The following PHKB variants were observed in gnomAD, a reference collection of about 807,000 sequenced individuals.
The protein encoded by PHKB is phosphorylase b kinase regulatory subunit beta.
Under a neutral mutation model 152.1 loss-of-function variants are expected in PHKB, and 122 were observed. That is an observed-to-expected ratio of 0.80 (90% CI 0.69 to 0.93). PHKB has a LOEUF of 0.93. Among genes scored for constraint, PHKB ranks in the 40% least tolerant of loss-of-function variants. The pLI, the probability that PHKB is intolerant of heterozygous loss-of-function variation, is 0.00. For synonymous variants in PHKB, 436 were observed against 464.9 expected (o/e 0.94, Z 0.80); for missense variants, 1,304 against 1,328.4 (o/e 0.98, Z 0.29).
rs573473672 is a variant in PHKB, at chr16:47,595,475, A to G, written c.1205-898A>G. 3.9e-5 allele frequency among the ~76,000 whole-genome samples: 6 copies of G among 152,306 alleles called. No homozygotes were observed. The East Asian group carries it at 9.6e-4, about 24-fold the overall frequency. On this transcript the variant is annotated intron_variant, in intron 12 of 30. Coordinates refer to ENST00000323584, the MANE Select transcript of PHKB (RefSeq NM_000293.3). Reference sequence around the variant, plus strand: ...TCCACAAAGATTCTACTATTAAATAATAATTTTAGTTCCTACCAACCCATT... The same window carrying G: ...TCCACAAAGATTCTACTATTAAATAGTAATTTTAGTTCCTACCAACCCATT...
chr16:47,684,754 G>A (rs117639782), intron 26 of PHKB, among the ~76,000 whole-genome samples: 6,903 of 151,168 alleles, frequency 0.046, 200 homozygotes, highest in Non-Finnish European at 0.073. Flanking sequence ...CAGCCTGGGC[G>A]ACTGAGCAAG....
intron 7 of PHKB, among the ~76,000 whole-genome samples, chr16:47,579,400 TG>T (rs1971804918): frequency 6.6e-6 from 1 of 152,136 alleles, no homozygotes; most frequent in Non-Finnish European, 1.5e-5. Context: ...CAAGAAGAAA[TG>T]GGAACTAGCA....
chr16:47,467,268 G>A (rs866777458), intron 1 of PHKB, among the ~76,000 whole-genome samples: 18 of 152,048 alleles, frequency 1.2e-4, no homozygotes, highest in African/African-American at 4.3e-4. Flanking sequence ...AATCTGTCAT[G>A]CTTAAATACA....
chr16:47,504,527 A>G (rs2151645299), intron 4 of PHKB, among the ~76,000 whole-genome samples: 1 of 152,366 alleles, frequency 6.6e-6, no homozygotes, highest in East Asian at 1.9e-4. Context: ...GGGCAACCTT[A>G]CAAACAATTC....
intron 28 of PHKB, among the ~76,000 whole-genome samples, chr16:47,695,956 T>C (rs1170391832): frequency 2.0e-5 from 3 of 152,242 alleles, no homozygotes; most frequent in African/African-American, 7.2e-5. Flanking sequence ...ATTTTTATGC[T>C]GCCAGCTCAG....
chr16:47,558,584 C>G (rs1488550062), intron 7 of PHKB, among the ~76,000 whole-genome samples: 1 of 152,206 alleles, frequency 6.6e-6, no homozygotes, highest in Admixed American at 6.5e-5. Flanking sequence ...GAGTCTCACT[C>G]TGTTGCTCTG....
intron 8 of PHKB, among the ~76,000 whole-genome samples, chr16:47,584,406 G>A (rs1162742418): frequency 2.6e-5 from 4 of 152,038 alleles, no homozygotes; most frequent in African/African-American, 9.7e-5. Context: ...TGATTCCTGG[G>A]TTTGAGTCTC....
chr16:47,539,051 C>T (rs1971003437), intron 6 of PHKB, among the ~76,000 whole-genome samples: 1 of 152,148 alleles, frequency 6.6e-6, no homozygotes, highest in African/African-American at 2.4e-5. Context: ...GTAATCAGAA[C>T]CTGTAGCCCA....
chr16:47,519,592 A>G (rs1016025485), intron 6 of PHKB, among the ~76,000 whole-genome samples: 3 of 152,246 alleles, frequency 2.0e-5, no homozygotes, highest in Non-Finnish European at 2.9e-5. Context: ...TCCTCATGAC[A>G]TAGCAGATGG....
At chr16:47,484,558 A>G (rs984025652) in intron 1 of PHKB, among the ~76,000 whole-genome samples, 7 of 152,202 alleles carry the variant, frequency 4.6e-5, no homozygotes, top group African/African-American at 1.7e-4. Flanking sequence ...TAAAGGCTCA[A>G]TGCTTCTCAG....
intron 6 of PHKB, among the ~76,000 whole-genome samples, chr16:47,543,020 C>T (rs1391039595): frequency 5.9e-5 from 9 of 152,170 alleles, no homozygotes; most frequent in East Asian, 1.9e-4. Context: ...TGCCCTGGCC[C>T]GAACTTCCAA....
chr16:47,579,039 T>C (rs549439482), intron 7 of PHKB, among the ~76,000 whole-genome samples: 7 of 152,090 alleles, frequency 4.6e-5, no homozygotes, highest in Non-Finnish European at 8.8e-5. Context: ...GCAGTTACCA[T>C]AGTGTCGTTC....
intron 6 of PHKB, among the ~76,000 whole-genome samples, chr16:47,545,114 G>A (rs1273521626): frequency 2.0e-5 from 3 of 152,182 alleles, no homozygotes; most frequent in Non-Finnish European, 4.4e-5. Context: ...ATATTGTTAT[G>A]TGTGAATTTG....
At position 47,660,537 on chromosome 16, in the gene PHKB, T is replaced by C. The variant is rs756619242; in HGVS notation, c.2003T>C (p.Leu668Pro). The change falls in exon 21 of 31, where the codon CTT (leucine) becomes CCT (proline). Residue 668 changes from leucine (L) to proline (P), a missense_variant. Transcript: ENST00000323584. ...TLISGAVVEQ[L>P]DFLRISDTEE... ...ATATCTGGAGCTGTGGTAGAACAAC[T>C]TGATTTCCTACGAATCAGTGACACA... The C allele has an allele frequency of 2.5e-6, 4 of 1,613,780 alleles. No homozygotes were observed. Among genetic ancestry groups the C allele is most frequent in the Non-Finnish European group, 3.4e-6 (4 of 1,179,780 alleles).
At chr16:47,557,335 T>A (rs2151679044) in intron 7 of PHKB, among the ~76,000 whole-genome samples, 1 of 152,352 alleles carries the variant, frequency 6.6e-6, no homozygotes, top group South Asian at 2.1e-4. Context: ...AAGGACTTCA[T>A]GTCTAAAACA....
In PHKB at chr16:47,696,440, C is replaced by A; in HGVS notation, c.2955C>A (p.Asp985Glu). The A allele has an allele frequency of 6.2e-7, 1 of 1,611,356 alleles. No homozygotes were observed. The highest frequency in any genetic ancestry group is 8.5e-7 in the Non-Finnish European group (1 of 1,177,516). ...TGAATTTCTCTCTCCTTGTTGAAGA[C>A]ACGTTGGGAAATATTGACCAGCCAC... Reference protein sequence around the residue: ...YEMNFSLLVEDTLGNIDQPQY... With the variant: ...YEMNFSLLVEETLGNIDQPQY... The change falls in exon 29 of 31, where the codon GAC becomes GAA. Residue 985 changes from aspartate to glutamate, a missense_variant. By Grantham distance (45) the Asp-to-Glu change is conservative. Transcript: ENST00000323584.
chr16:47,551,879 T>C (rs912669675), intron 7 of PHKB, among the ~76,000 whole-genome samples: 5 of 152,312 alleles, frequency 3.3e-5, no homozygotes, highest in Middle Eastern at 3.4e-3. Context: ...AGGGCTTGCT[T>C]TATGAATCTG....
intron 6 of PHKB, among the ~76,000 whole-genome samples, chr16:47,543,389 T>G (rs1316637499): frequency 6.6e-6 from 1 of 152,240 alleles, no homozygotes; most frequent in Admixed American, 6.5e-5. Flanking sequence ...GATGTGCTGC[T>G]GGATTCAATT....
At chr16:47,618,556 C>G (rs1400918272) in intron 14 of PHKB, among the ~76,000 whole-genome samples, 1 of 152,102 alleles carries the variant, frequency 6.6e-6, no homozygotes, top group Non-Finnish European at 1.5e-5. Context: ...CAAATAGATA[C>G]AAACCAAGTA....
Sources: allele counts gnomAD v4.1 joint callset (sites outside exome capture counted in the v4.1 genomes callset), GRCh38; gene constraint gnomAD v4.1.1; transcripts MANE v1.5; gene names NCBI Gene and HGNC (gene_info 2026-07-23, HGNC 2026-07-21).